Variants in KCNIP1 observed in about 807,000 individuals in gnomAD.
KCNIP1 encodes the protein potassium voltage-gated channel interacting protein 1.
KCNIP1 carries 18 observed loss-of-function variants against 33.0 expected under a neutral mutation model. The observed-to-expected ratio is 0.55, with a 90% CI of 0.38 to 0.81. The LOEUF (loss-of-function observed/expected upper bound fraction) is 0.81, where lower values mean the gene tolerates loss of function less well. Among genes scored for constraint, KCNIP1 ranks in the 30% least tolerant of loss-of-function variants. The pLI is 0.00. For missense variants in KCNIP1, 238 were observed against 271.6 expected (o/e 0.88, Z 0.87); for synonymous variants, 93 against 98.3 (o/e 0.95, Z 0.32).
intron 1 of KCNIP1, among the ~76,000 whole-genome samples, chr5:170,479,503 C>T (rs1756927091): frequency 6.6e-6 from 1 of 152,190 alleles, no homozygotes. Flanking sequence ...AATTAAATCA[C>T]CTTCTGCAAA....
chr5:170,392,874 A>T (rs1407935196), intron 1 of KCNIP1, among the ~76,000 whole-genome samples: 4 of 152,220 alleles, frequency 2.6e-5, no homozygotes, highest in African/African-American at 9.6e-5. Context: ...TAGGTCACAC[A>T]CTATGGCACA....
intron 1 of KCNIP1, among the ~76,000 whole-genome samples, chr5:170,637,158 G>A (rs1760317963): frequency 6.6e-6 from 1 of 152,100 alleles, no homozygotes; most frequent in Non-Finnish European, 1.5e-5. Context: ...TGTGAACCAA[G>A]GGGGATGGTG....
intron 5 of KCNIP1, among the ~76,000 whole-genome samples, chr5:170,732,292 G>A (rs1764233936): frequency 6.6e-6 from 1 of 152,210 alleles, no homozygotes; most frequent in South Asian, 2.1e-4. Context: ...AAGGTTCTCT[G>A]ATTCAATAGG....
intron 1 of KCNIP1, among the ~76,000 whole-genome samples, chr5:170,433,055 G>A (rs1755778945): frequency 6.6e-6 from 1 of 152,120 alleles, no homozygotes; most frequent in South Asian, 2.1e-4. Context: ...CTTCTCCATG[G>A]CTCTCAATCC....
chr5:170,407,472 G>A (rs1755067118), intron 1 of KCNIP1, among the ~76,000 whole-genome samples: 2 of 152,314 alleles, frequency 1.3e-5, no homozygotes, highest in South Asian at 2.1e-4. Flanking sequence ...GTAAAGATAG[G>A]GAGGTTTGAA....
intron 1 of KCNIP1, among the ~76,000 whole-genome samples, chr5:170,609,352 T>C (rs1016405084): frequency 6.6e-6 from 1 of 152,202 alleles, no homozygotes; most frequent in Non-Finnish European, 1.5e-5. Flanking sequence ...GCATGAGTTA[T>C]CGCAAGCAAT....
At chr5:170,505,780 C>A (rs1754693494) in intron 1 of KCNIP1, among the ~76,000 whole-genome samples, 1 of 152,214 alleles carries the variant, frequency 6.6e-6, no homozygotes, top group Non-Finnish European at 1.5e-5. Context: ...CCAGGGGCAT[C>A]AGGCTGGCTG....
intron 1 of KCNIP1, among the ~76,000 whole-genome samples, chr5:170,538,800 G>C (rs1756089002): frequency 1.3e-5 from 2 of 150,988 alleles, no homozygotes; most frequent in Non-Finnish European, 3.0e-5. Flanking sequence ...GAAATCATTT[G>C]TCATATGTTC....
At chr5:170,671,044 T>C (rs1045919245) in intron 1 of KCNIP1, among the ~76,000 whole-genome samples, 12 of 152,170 alleles carry the variant, frequency 7.9e-5, no homozygotes, top group Non-Finnish European at 1.3e-4. Flanking sequence ...ACCTTGTCAC[T>C]GTGTCTTCTG....
chr5:170,702,149 A>C (rs1456016777), intron 1 of KCNIP1, among the ~76,000 whole-genome samples: 3 of 151,988 alleles, frequency 2.0e-5, no homozygotes, highest in Non-Finnish European at 4.4e-5. Flanking sequence ...CTCCATCCCC[A>C]CCTTTATGTC....
intron 1 of KCNIP1, among the ~76,000 whole-genome samples, chr5:170,534,471 A>AAGGAGG (rs34048947): frequency 2.5e-4 from 37 of 149,330 alleles, no homozygotes; most frequent in East Asian, 5.9e-4. Flanking sequence ...GGAGAGGGAG[A>AAGGAGG]AGGAGGAGGA....
chr5:170,353,929 C>T (rs1391749625), exon 1 of KCNIP1: 1 of 1,614,092 alleles, frequency 6.2e-7, no homozygotes, highest in East Asian at 2.2e-5. Context: ...TTTGCCCAGA[C>T]CATCTTTAAG....
upstream of KCNIP1, among the ~76,000 whole-genome samples, chr5:170,499,557 C>G (rs1757372634): frequency 6.6e-6 from 1 of 152,204 alleles, no homozygotes; most frequent in Non-Finnish European, 1.5e-5. Context: ...GTGTTTGAAC[C>G]CAATTCTAGC....
intron 1 of KCNIP1, among the ~76,000 whole-genome samples, chr5:170,549,276 A>G (rs35443587): frequency 1.3e-5 from 2 of 152,316 alleles, no homozygotes; most frequent in Middle Eastern, 3.4e-3. Context: ...GTCCTAGGCC[A>G]TGATAATGCT....
chr5:170,604,831 C>T (rs1758842520), intron 1 of KCNIP1, among the ~76,000 whole-genome samples: 1 of 152,220 alleles, frequency 6.6e-6, no homozygotes, highest in African/African-American at 2.4e-5. Flanking sequence ...CAGGAGAGGA[C>T]CTGCTGGTGT....
intron 1 of KCNIP1, among the ~76,000 whole-genome samples, chr5:170,492,905 A>T (rs1177861860): frequency 1.3e-5 from 2 of 152,146 alleles, no homozygotes; most frequent in African/African-American, 4.8e-5. Context: ...GCCCACCACC[A>T]TGCCTGGCTA....
At chr5:170,431,798 G>C (rs1330790403) in intron 1 of KCNIP1, among the ~76,000 whole-genome samples, 1 of 152,210 alleles carries the variant, frequency 6.6e-6, no homozygotes, top group African/African-American at 2.4e-5. Flanking sequence ...CAGGACCCAT[G>C]AGCTCAGCAC....
intron 1 of KCNIP1, among the ~76,000 whole-genome samples, chr5:170,563,385 T>C (rs1024853958): frequency 1.2e-4 from 18 of 152,326 alleles, no homozygotes; most frequent in Middle Eastern, 6.8e-3. Flanking sequence ...ACAATCCTCA[T>C]GCCAGTTTTA....
At chr5:170,653,822 A>G (rs1761152715) in intron 1 of KCNIP1, among the ~76,000 whole-genome samples, 1 of 152,036 alleles carries the variant, frequency 6.6e-6, no homozygotes, top group Non-Finnish European at 1.5e-5. Flanking sequence ...GGGTGACTTG[A>G]TGCCCTTAGC....
Sources: allele counts gnomAD v4.1 joint callset (sites outside exome capture counted in the v4.1 genomes callset), GRCh38; gene constraint gnomAD v4.1.1; transcripts MANE v1.5; gene names NCBI Gene and HGNC (gene_info 2026-07-23, HGNC 2026-07-21).